Variants in YIPF6 observed in about 807,000 individuals in gnomAD.
YIPF6 encodes the protein Yip1 domain family member 6, also known as protein YIPF6.
In YIPF6, 3 loss-of-function variants were observed where a neutral mutation model predicts 16.8. The ratio of observed to expected loss-of-function variants is 0.18; its 90% CI spans 0.08 to 0.46. YIPF6 has a LOEUF of 0.46. Among genes scored for constraint, YIPF6 ranks in the 20% least tolerant of loss-of-function variants. The pLI is 0.98. For missense variants in YIPF6, 145 were observed against 184.9 expected (o/e 0.78, Z 1.25); for synonymous variants, 67 against 61.9 (o/e 1.08, Z -0.38).
rs2079191142 is a variant in YIPF6, at chrX:68,536,242, C to T, written c.*4243C>T. ...GCAGTCAGTTCCATTCCCCCTTCAT[C>T]CCAGCCTCTGGCAACCACTAATCTG... is the stretch of plus-strand genomic sequence containing the variant. On this transcript the variant is annotated 3_prime_UTR_variant, in exon 7 of 7. Transcript: ENST00000462683. The T allele has an allele frequency of 9.0e-6, 1 of 111,425 alleles. No homozygotes were observed. The highest frequency in any genetic ancestry group is 3.9e-4 in the South Asian group (1 of 2,589). 9.2% of individuals were successfully genotyped at this position (111,425 alleles called of 1,213,427 possible).
chrX:68,513,195 T>TTGTAG, intron 2 of YIPF6, 132 bp from the exon 3 acceptor site: 1 of 459,879 alleles, frequency 2.2e-6, no homozygotes, highest in Non-Finnish European at 3.6e-6. Flanking sequence ...AGTGAAGGAG[T>TTGTAG]TGAACTGGAA....
chrX:68,527,414 A>C (rs2079153314), intron 6 of YIPF6, among the ~76,000 whole-genome samples: 1 of 111,637 alleles, frequency 9.0e-6, no homozygotes, highest in African/African-American at 3.3e-5. Context: ...TCTTTCCAAA[A>C]AAAACAGTTC....
chrX:68,504,877 G>A (rs2079054023), intron 1 of YIPF6, among the ~76,000 whole-genome samples: 1 of 112,018 alleles, frequency 8.9e-6, no homozygotes, highest in African/African-American at 3.2e-5. Context: ...CTCTTAACCA[G>A]TATTCTCCAA....
At chrX:68,525,646 T>G (rs969053968) in intron 6 of YIPF6, among the ~76,000 whole-genome samples, 15 of 112,307 alleles carry the variant, frequency 1.3e-4, no homozygotes, top group Admixed American at 9.5e-5. Flanking sequence ...TAATCCATCT[T>G]GAGTTAATTT....
intron 1 of YIPF6, among the ~76,000 whole-genome samples, chrX:68,502,513 A>G (rs901592794): frequency 7.2e-5 from 8 of 111,403 alleles, no homozygotes; most frequent in African/African-American, 9.8e-5. Flanking sequence ...GAGCATGGCT[A>G]TAGACACCCA....
At chrX:68,503,452 G>A (rs1482643288) in intron 1 of YIPF6, among the ~76,000 whole-genome samples, 1 of 111,801 alleles carries the variant, frequency 8.9e-6, no homozygotes, top group Non-Finnish European at 1.9e-5. Flanking sequence ...TCCCGCTGAG[G>A]GCTAGACAGA....
At chrX:68,523,232 G>A (rs988583342) in intron 6 of YIPF6, among the ~76,000 whole-genome samples, 2 of 110,893 alleles carry the variant, frequency 1.8e-5, no homozygotes, top group Non-Finnish European at 3.8e-5. Context: ...GAATGACTGG[G>A]ATCTTTTCCT....
intron 5 of YIPF6, among the ~76,000 whole-genome samples, chrX:68,522,030 G>A (rs1170920958): frequency 2.7e-5 from 3 of 111,600 alleles, no homozygotes; most frequent in Non-Finnish European, 5.6e-5. Context: ...ATAAGCTTCA[G>A]ATGCCCTTTC....
rs779252578 is a variant in YIPF6, at chrX:68,537,000, A to G, written c.*5001A>G. The G allele has an allele frequency of 1.8e-5, 2 of 111,802 alleles. No homozygotes were observed. The highest frequency in any genetic ancestry group is 1.9e-4 in the Admixed American group (2 of 10,480). The allele number at this position is 111,802 out of a possible 1,213,427, so 9.2% of individuals were successfully genotyped here. A position where few individuals can be genotyped will look rare whatever the true frequency, so the allele number is the denominator to read the frequency against. The stretch of plus-strand genomic sequence containing the variant: ...TAGTGTGAGAATAGAATGCCTTTCT[A>G]TTTGGGTTAAACTATGTGGGAGGAA... On this transcript the variant is annotated 3_prime_UTR_variant, in exon 7 of 7. Transcript: ENST00000462683.
chrX:68,513,921 A>G (rs1466818201), intron 3 of YIPF6: 3 of 109,399 alleles, frequency 2.7e-5, no homozygotes, highest in African/African-American at 1.0e-4. Flanking sequence ...TTTGCTTATT[A>G]TATTGTCCTC....
intron 4 of YIPF6, among the ~76,000 whole-genome samples, chrX:68,519,422 A>T (rs1468937185): frequency 9.0e-6 from 1 of 111,250 alleles, no homozygotes; most frequent in African/African-American, 3.3e-5. Context: ...TGTTTGTATA[A>T]TTTTTCCCAG....
intron 5 of YIPF6, among the ~76,000 whole-genome samples, chrX:68,521,873 C>T (rs2079397117): frequency 9.0e-6 from 1 of 110,707 alleles, no homozygotes; most frequent in Admixed American, 9.7e-5. Context: ...GGATTACAGG[C>T]ATGAGCCACC....
At chrX:68,499,169 T>C in intron 1 of YIPF6, 46 bp downstream of exon 1, 2 of 1,151,771 alleles carry the variant, frequency 1.7e-6, no homozygotes, top group Non-Finnish European at 1.2e-6. Flanking sequence ...TGAGGCAGAG[T>C]GCCCCCTAAA....
At chrX:68,510,365 T>C (rs1035784901) in intron 1 of YIPF6, among the ~76,000 whole-genome samples, 1 of 110,587 alleles carries the variant, frequency 9.0e-6, no homozygotes, top group African/African-American at 3.3e-5. Context: ...TGTTTAATAA[T>C]TGTGTGAAGT....
chrX:68,499,962 C>T lies in YIPF6; in HGVS notation c.57+839C>T, dbSNP rs531584336. Among the ~76,000 whole-genome samples, 265 of 112,267 alleles carry T rather than the reference C, an allele frequency of 2.4e-3. 4 individuals carry two copies. Among genetic ancestry groups the T allele is most frequent in the African/African-American group, 8.2e-3 (255 of 30,930 alleles). ...GCCATCTTCACTATACTCTCTTGCT[C>T]CTGTCTCTGCAAGGGATAGAATTTC... is the stretch of plus-strand genomic sequence containing the variant. On this transcript the variant is annotated intron_variant, in intron 1 of 6. Transcript: ENST00000462683.
At chrX:68,517,310 G>A (rs936637952) in intron 3 of YIPF6, among the ~76,000 whole-genome samples, 3 of 111,154 alleles carry the variant, frequency 2.7e-5, no homozygotes, top group Non-Finnish European at 5.7e-5. Context: ...ACCATGCCCA[G>A]CGAATATTTT....
chrX:68,532,170 G>A lies in YIPF6; in HGVS notation c.*171G>A, dbSNP rs997068383. 9 of 395,646 alleles carry A rather than the reference G, an allele frequency of 2.3e-5. No individual in the cohort carries two copies. Among genetic ancestry groups the A allele is most frequent in the Non-Finnish European group, 3.9e-5 (9 of 230,649 alleles). 32.6% of individuals were successfully genotyped at this position (395,646 alleles called of 1,213,427 possible). A position where few individuals can be genotyped will look rare whatever the true frequency, so the allele number is the denominator to read the frequency against. On this transcript the variant is annotated 3_prime_UTR_variant, in exon 7 of 7. Coordinates refer to ENST00000462683, the MANE Select transcript of YIPF6 (RefSeq NM_173834.4). Reference sequence around the variant, plus strand: ...ATAGCACTGTCACCCCTTATTTGAGGAACTGATGTTTGAAAGGCTGTTCTT... The same window carrying A: ...ATAGCACTGTCACCCCTTATTTGAGAAACTGATGTTTGAAAGGCTGTTCTT...
intron 6 of YIPF6, among the ~76,000 whole-genome samples, chrX:68,527,358 C>T (rs774044328): frequency 9.0e-6 from 1 of 111,124 alleles, no homozygotes; most frequent in Non-Finnish European, 1.9e-5. Context: ...TCTGATTCTT[C>T]TCTCTTTTCT....
Position 68,532,262 on chromosome X carries a change from A to G in YIPF6, c.*263A>G, listed in dbSNP as rs1602473461. 7 of 214,288 alleles carry G rather than the reference A, an allele frequency of 3.3e-5. No individual in the cohort carries two copies. The highest frequency in any genetic ancestry group is 2.2e-4 in the Admixed American group (3 of 13,762). The allele number at this position is 214,288 out of a possible 1,213,427, so 17.7% of individuals were successfully genotyped here. ...TACACACAGTATATAATGCCTCCTT[A>G]AGGCATGATGGAGTCACCGTGGTCC... On this transcript the variant is annotated 3_prime_UTR_variant, in exon 7 of 7. Coordinates refer to ENST00000462683, the MANE Select transcript of YIPF6 (RefSeq NM_173834.4).
Sources: allele counts gnomAD v4.1 joint callset (sites outside exome capture counted in the v4.1 genomes callset), GRCh38; gene constraint gnomAD v4.1.1; transcripts MANE v1.5; gene names NCBI Gene and HGNC (gene_info 2026-07-23, HGNC 2026-07-21).